KHDRBS2: variants seen among roughly 807,000 people sequenced by gnomAD.
KHDRBS2 encodes KH domain-containing, RNA-binding, signal transduction-associated protein 2.
In KHDRBS2, 26 loss-of-function variants were observed where a neutral mutation model predicts 44.3. The observed-to-expected ratio is 0.59, with a 90% confidence interval of 0.43 to 0.81. The LOEUF (loss-of-function observed/expected upper bound fraction) is 0.81, where lower values mean the gene tolerates loss of function less well. KHDRBS2 is among the 40% of genes least tolerant of loss of function. KHDRBS2 has a pLI of 0.00. For synonymous variants in KHDRBS2, 194 were observed against 151.1 expected (o/e 1.28, Z -2.08); for missense variants, 476 against 433.1 (o/e 1.10, Z -0.88).
At chr6:62,203,548 T>A (rs1370730505) in intron 1 of KHDRBS2, among the ~76,000 whole-genome samples, 1 of 151,906 alleles carries the variant, frequency 6.6e-6, no homozygotes, top group Non-Finnish European at 1.5e-5. Flanking sequence ...GTGCATCTTG[T>A]GGGTGGGGGA....
chr6:61,719,381 T>G (rs1446975680), intron 7 of KHDRBS2, among the ~76,000 whole-genome samples: 2 of 152,020 alleles, frequency 1.3e-5, no homozygotes. Flanking sequence ...ATTTGGACAT[T>G]GGGAAATGTT....
chr6:61,727,036 CA>C (rs1389176280), intron 7 of KHDRBS2, among the ~76,000 whole-genome samples: 1 of 152,108 alleles, frequency 6.6e-6, no homozygotes, highest in Non-Finnish European at 1.5e-5. Context: ...TACAAGTCTA[CA>C]GTAACCAAAA....
Position 62,167,511 on chromosome 6 carries a change from C to T in KHDRBS2, c.219+9674G>A, listed in dbSNP as rs532236496. Among the ~76,000 whole-genome samples the T allele has an allele frequency of 1.2e-4, 18 of 152,160 alleles. 1 individual carries two copies. Among genetic ancestry groups the T allele is most frequent in the African/African-American group, 4.3e-4 (18 of 41,530 alleles). On this transcript the variant is annotated intron_variant, in intron 2 of 8. Coordinates refer to ENST00000281156, the MANE Select transcript of KHDRBS2 (RefSeq NM_152688.4). ...CTAGAAAACAGGATTATTTCAAATG[C>T]CATTCTATTGGAGAGAATATGGTCT...
chr6:61,951,111 C>A (rs1427837729), intron 4 of KHDRBS2, among the ~76,000 whole-genome samples: 1 of 151,946 alleles, frequency 6.6e-6, no homozygotes, highest in Non-Finnish European at 1.5e-5. Context: ...TCTATAAATA[C>A]TTTCAATATT....
At chr6:61,790,313 G>A (rs1784430727) in intron 6 of KHDRBS2, among the ~76,000 whole-genome samples, 2 of 150,480 alleles carry the variant, frequency 1.3e-5, no homozygotes, top group African/African-American at 2.4e-5. Flanking sequence ...TTTTCAATCC[G>A]TTAGATTTGA....
At chr6:61,596,818 A>AT in the KHDRBS2 span, among the ~76,000 whole-genome samples, 12 of 151,810 alleles carry the variant, frequency 7.9e-5, 1 homozygote, top group South Asian at 1.2e-3. Context: ...CGCCTGGCTA[A>AT]TTTTTGTATT....
chr6:61,603,914 T>G, the KHDRBS2 span, among the ~76,000 whole-genome samples: 1 of 152,114 alleles, frequency 6.6e-6, no homozygotes, highest in Non-Finnish European at 1.5e-5. Context: ...TTTCTCACCC[T>G]GATCACATTT....
intron 2 of KHDRBS2, among the ~76,000 whole-genome samples, chr6:62,124,186 C>T (rs1331076974): frequency 6.6e-6 from 1 of 152,154 alleles, no homozygotes; most frequent in African/African-American, 2.4e-5. Flanking sequence ...TGAGAGTGAC[C>T]TTGTTCATCT....
At chr6:61,587,137 T>G in the KHDRBS2 span, among the ~76,000 whole-genome samples, 1 of 152,170 alleles carries the variant, frequency 6.6e-6, no homozygotes, top group Non-Finnish European at 1.5e-5. Context: ...ACTCTCCTGA[T>G]AGCAAGCCTC....
intron 2 of KHDRBS2, among the ~76,000 whole-genome samples, chr6:62,059,597 T>A (rs1791233768): frequency 6.6e-6 from 1 of 151,768 alleles, no homozygotes; most frequent in South Asian, 2.1e-4. Flanking sequence ...TTAATAAAAT[T>A]ACGGAATACA....
chr6:62,148,312 G>A (rs974034032), intron 2 of KHDRBS2, among the ~76,000 whole-genome samples: 1 of 151,976 alleles, frequency 6.6e-6, no homozygotes, highest in Non-Finnish European at 1.5e-5. Flanking sequence ...CTAAACACTT[G>A]TTAACTTCAC....
intron 1 of KHDRBS2, among the ~76,000 whole-genome samples, chr6:62,191,582 G>A (rs1445336430): frequency 1.3e-5 from 2 of 151,972 alleles, no homozygotes; most frequent in Non-Finnish European, 2.9e-5. Context: ...TTCACTCCCA[G>A]CACTCATTAC....
At chr6:61,578,105 C>T in the KHDRBS2 span, among the ~76,000 whole-genome samples, 11 of 152,010 alleles carry the variant, frequency 7.2e-5, no homozygotes, top group African/African-American at 2.2e-4. Context: ...GAATGTTAAA[C>T]GTCCTCAGCT....
At chr6:61,928,302 C>A (rs371554615) in intron 4 of KHDRBS2, among the ~76,000 whole-genome samples, 3 of 152,048 alleles carry the variant, frequency 2.0e-5, no homozygotes, top group African/African-American at 7.2e-5. Flanking sequence ...TTGGTGTAAA[C>A]TGCTAAGCAA....
chr6:61,978,354 G>A (rs1773146097), intron 3 of KHDRBS2, 142 bp from the exon 4 acceptor site: 1 of 569,888 alleles, frequency 1.8e-6, no homozygotes, highest in Non-Finnish European at 3.0e-6. Flanking sequence ...AACCCTTTGA[G>A]AAATAAAAAT....
chr6:62,021,088 A>G (rs1385210063), intron 3 of KHDRBS2, among the ~76,000 whole-genome samples: 4 of 152,052 alleles, frequency 2.6e-5, no homozygotes, highest in Non-Finnish European at 4.4e-5. Flanking sequence ...AGGAAAATGG[A>G]TGGAGCTGGA....
At chr6:61,669,054 C>T in the KHDRBS2 span, among the ~76,000 whole-genome samples, 5 of 150,796 alleles carry the variant, frequency 3.3e-5, no homozygotes, top group Admixed American at 2.0e-4. Context: ...AGCCTAAATT[C>T]TATACTTAGA....
intron 6 of KHDRBS2, among the ~76,000 whole-genome samples, chr6:61,847,684 A>G (rs1306352116): frequency 6.6e-6 from 1 of 152,048 alleles, no homozygotes; most frequent in African/African-American, 2.4e-5. Flanking sequence ...TGTGATCTGC[A>G]TCATATTTTG....
At chr6:62,013,026 C>T (rs556727742) in intron 3 of KHDRBS2, among the ~76,000 whole-genome samples, 74 of 152,244 alleles carry the variant, frequency 4.9e-4, no homozygotes, top group African/African-American at 1.7e-3. Flanking sequence ...AGGAGGATCA[C>T]GTCATGCATT....
Sources: allele counts gnomAD v4.1 joint callset (sites outside exome capture counted in the v4.1 genomes callset), GRCh38; gene constraint gnomAD v4.1.1; transcripts MANE v1.5; gene names NCBI Gene and HGNC (gene_info 2026-07-23, HGNC 2026-07-21).